Variants in TMPRSS15 observed in about 807,000 individuals in gnomAD.
TMPRSS15 encodes enteropeptidase.
TMPRSS15 carries 128 observed loss-of-function variants against 125.3 expected under a neutral mutation model. The observed-to-expected ratio is 1.02, with a 90% CI of 0.89 to 1.18. The LOEUF (loss-of-function observed/expected upper bound fraction) is 1.18. Among genes scored for constraint, TMPRSS15 ranks in the 50% most tolerant of loss-of-function variants. TMPRSS15 has a pLI of 0.00. For synonymous variants in TMPRSS15, 446 were observed against 423.2 expected, an observed-to-expected ratio of 1.05 and a Z score of -0.66; for missense variants, 1,283 against 1,212.7, an observed-to-expected ratio of 1.06 and a Z score of -0.86.
chr21:18,390,565 G>A (rs886438972), intron 3 of TMPRSS15, among the ~76,000 whole-genome samples: 1 of 152,092 alleles, frequency 6.6e-6, no homozygotes, highest in African/African-American at 2.4e-5. Flanking sequence ...AGCCTAGTAA[G>A]GAGATAGACA....
intron 7 of TMPRSS15, among the ~76,000 whole-genome samples, chr21:18,364,844 C>A (rs1052840956): frequency 6.6e-6 from 1 of 152,124 alleles, no homozygotes; most frequent in Non-Finnish European, 1.5e-5. Context: ...CACAGACATA[C>A]ATGTATGTTG....
chr21:18,405,853 C>A (rs901802512), upstream of TMPRSS15, among the ~76,000 whole-genome samples: 2 of 151,798 alleles, frequency 1.3e-5, no homozygotes, highest in Non-Finnish European at 2.9e-5. Flanking sequence ...GAAAAGGATT[C>A]AAAAATAAAA....
At chr21:18,276,754 T>A (rs2074626057) in intron 23 of TMPRSS15, among the ~76,000 whole-genome samples, 1 of 136,054 alleles carries the variant, frequency 7.4e-6, no homozygotes, top group Non-Finnish European at 1.5e-5. Context: ...AAACTGGGAT[T>A]CTTTTTTTTT....
Position 18,352,889 on chromosome 21 carries a change from T to C in TMPRSS15, c.1171+14A>G. Reference sequence around the variant, plus strand: ...ATTAAAATCCTTTTGACTTCTGAATTAAATGAATTATACCTGAAGCATTGC... The same window carrying C: ...ATTAAAATCCTTTTGACTTCTGAATCAAATGAATTATACCTGAAGCATTGC... On this transcript the variant is annotated intron_variant, in intron 10 of 24. Transcript: ENST00000284885. 6 of 1,611,296 alleles carry C rather than the reference T, an allele frequency of 3.7e-6. No homozygotes were observed. Among genetic ancestry groups the C allele is most frequent in the Non-Finnish European group, 5.1e-6 (6 of 1,178,006 alleles).
intron 8 of TMPRSS15, among the ~76,000 whole-genome samples, chr21:18,358,011 T>C (rs2075642252): frequency 6.6e-6 from 1 of 151,834 alleles, no homozygotes; most frequent in South Asian, 2.1e-4. Context: ...AACTACCTAT[T>C]ATAATATAAC....
intron 21 of TMPRSS15, among the ~76,000 whole-genome samples, chr21:18,286,876 A>G (rs1038227794): frequency 6.6e-5 from 10 of 152,168 alleles, no homozygotes; most frequent in Non-Finnish European, 8.8e-5. Context: ...GGGCTTTTTG[A>G]GGTGTCTGGA....
chr21:18,295,945 G>A (rs2074902022), intron 19 of TMPRSS15, among the ~76,000 whole-genome samples: 1 of 152,162 alleles, frequency 6.6e-6, no homozygotes, highest in African/African-American at 2.4e-5. Flanking sequence ...GAGGTCAGGA[G>A]ATCGAGACCA....
intron 14 of TMPRSS15, among the ~76,000 whole-genome samples, chr21:18,331,194 T>C (rs1344813011): frequency 6.6e-6 from 1 of 152,190 alleles, no homozygotes; most frequent in Non-Finnish European, 1.5e-5. Context: ...TCTACAATAT[T>C]GGCCCTATAT....
chr21:18,294,753 TCTTAATGTC>T, intron 19 of TMPRSS15, 101 bp from the exon 20 acceptor site: 1 of 985,136 alleles, frequency 1.0e-6, no homozygotes, highest in South Asian at 1.3e-5. Context: ...AAAATGGACA[TCTTAATGTC>T]TCATATATGA....
At chr21:18,275,631 TTGCTCA>T in intron 23 of TMPRSS15, among the ~76,000 whole-genome samples, 1 of 152,154 alleles carries the variant, frequency 6.6e-6, no homozygotes, top group African/African-American at 2.4e-5. Flanking sequence ...AGTTACAGGA[TTGCTCA>T]TGGGGGAAAA....
chr21:18,296,503 C>A (rs1555893408), intron 19 of TMPRSS15, among the ~76,000 whole-genome samples: 1 of 152,176 alleles, frequency 6.6e-6, no homozygotes, highest in Non-Finnish European at 1.5e-5. Context: ...TCTCAAATAG[C>A]ACACACATAC....
chr21:18,465,854 G>A (rs1024370342), intron 1 of TMPRSS15, among the ~76,000 whole-genome samples: 1 of 152,000 alleles, frequency 6.6e-6, no homozygotes, highest in African/African-American at 2.4e-5. Context: ...ATTTATACAT[G>A]CAATGCTATT....
chr21:18,466,899 A>C (rs111512028), intron 1 of TMPRSS15, among the ~76,000 whole-genome samples: 11,674 of 152,050 alleles, frequency 0.077, 1,051 homozygotes, highest in African/African-American at 0.22. Flanking sequence ...CCCAGCAATC[A>C]CATTACTGGG....
At chr21:18,375,364 A>G (rs1486990709) in intron 5 of TMPRSS15, among the ~76,000 whole-genome samples, 1 of 152,066 alleles carries the variant, frequency 6.6e-6, no homozygotes, top group Non-Finnish European at 1.5e-5. Context: ...ATGGTTTTGC[A>G]CTCTCAAACT....
intron 1 of TMPRSS15, among the ~76,000 whole-genome samples, chr21:18,399,121 G>C (rs1255692540): frequency 1.3e-5 from 2 of 152,086 alleles, no homozygotes; most frequent in Non-Finnish European, 2.9e-5. Context: ...GAACTCATTA[G>C]TAAATATAAT....
chr21:18,287,649 G>A (rs1217099864), intron 21 of TMPRSS15, among the ~76,000 whole-genome samples: 1 of 152,058 alleles, frequency 6.6e-6, no homozygotes, highest in Non-Finnish European at 1.5e-5. Context: ...ATTAAATAGT[G>A]GTAATAGAAT....
At chr21:18,447,669 A>G (rs116615187) in intron 1 of TMPRSS15, among the ~76,000 whole-genome samples, 1,694 of 152,134 alleles carry the variant, frequency 0.011, 33 homozygotes, top group African/African-American at 0.038. Flanking sequence ...GAGATCTCAT[A>G]GTTTTATAGG....
Position 18,343,458 on chromosome 21 carries a change from T to C in TMPRSS15, c.1428+48A>G, listed in dbSNP as rs565470544. 9.5e-6 allele frequency: 14 copies of C among 1,478,132 alleles called. No homozygotes were observed. The African/African-American group carries it at 1.3e-4, about 13-fold the overall frequency. 91.6% of individuals were successfully genotyped at this position (1,478,132 alleles called of 1,614,324 possible). ...ACTGTATCATTCTAAATATAATTGTTCCACCACAAAAAGGATACAAATATA... is the reference window on the plus strand; with the variant it reads ...ACTGTATCATTCTAAATATAATTGTCCCACCACAAAAAGGATACAAATATA... On this transcript the variant is annotated intron_variant, in intron 12 of 24. Transcript: ENST00000284885.
intron 1 of TMPRSS15, among the ~76,000 whole-genome samples, chr21:18,441,663 TTATTA>T (rs2076242190): frequency 2.8e-5 from 1 of 35,096 alleles, no homozygotes; most frequent in South Asian, 1.1e-3. Context: ...TTAGGACACA[TTATTA>T]TTATTATTAT....
Sources: gnomAD v4.1 joint callset for allele counts (sites outside exome capture counted in the v4.1 genomes callset) on GRCh38, gnomAD v4.1.1 for gene constraint, MANE v1.5 for transcripts, NCBI Gene and HGNC (gene_info 2026-07-23, HGNC 2026-07-21) for gene names.